Variants in GPHN observed in about 807,000 individuals in gnomAD.
The protein encoded by GPHN is gephyrin.
Under a neutral mutation model 95.5 loss-of-function variants are expected in GPHN, and 17 were observed. That is an observed-to-expected ratio of 0.18 (90% CI 0.12 to 0.27). GPHN has a LOEUF of 0.27. Ranked by LOEUF, GPHN falls within the 10% of genes least tolerant of loss-of-function variation. The pLI, the probability that GPHN is intolerant of heterozygous loss-of-function variation, is 1.00. For missense variants in GPHN, 660 were observed against 978.1 expected, an observed-to-expected ratio of 0.67 and a Z score of 4.34; for synonymous variants, 320 against 322.5, an observed-to-expected ratio of 0.99 and a Z score of 0.08.
chr14:66,651,178 A>G (rs137950832), intron 1 of GPHN, among the ~76,000 whole-genome samples: 1 of 152,284 alleles, frequency 6.6e-6, no homozygotes, highest in Non-Finnish European at 1.5e-5. Flanking sequence ...TTTTAGAAAA[A>G]CAATCACCAC....
intron 1 of GPHN, among the ~76,000 whole-genome samples, chr14:66,564,012 AC>A (rs1276301576): frequency 6.6e-6 from 1 of 152,148 alleles, no homozygotes; most frequent in Non-Finnish European, 1.5e-5. Flanking sequence ...TTCATTTGAA[AC>A]ATTCAGAGGG....
chr14:67,496,505 T>C, the GPHN span, among the ~76,000 whole-genome samples: 282 of 143,242 alleles, frequency 2.0e-3, no homozygotes, highest in African/African-American at 7.1e-3. Context: ...CCAGGTTCAA[T>C]AGGGTGTGCG....
chr14:67,589,739 A>G, the GPHN span: 142 of 1,016,218 alleles, frequency 1.4e-4, no homozygotes, highest in Non-Finnish European at 1.7e-4. Flanking sequence ...TCAGTTTCCC[A>G]TTGTTTTGCT....
At chr14:66,619,369 C>T (rs1595265733) in intron 1 of GPHN, among the ~76,000 whole-genome samples, 1 of 152,024 alleles carries the variant, frequency 6.6e-6, no homozygotes, top group Non-Finnish European at 1.5e-5. Context: ...AGATCCTTAC[C>T]CACATTTGTT....
intron 1 of GPHN, among the ~76,000 whole-genome samples, chr14:66,642,235 G>A (rs532366182): frequency 1.3e-5 from 2 of 152,262 alleles, no homozygotes; most frequent in South Asian, 2.1e-4. Context: ...TGGGTTTTCT[G>A]AGTGGGCCCA....
chr14:67,307,113 T>A, the GPHN span, among the ~76,000 whole-genome samples: 1 of 152,200 alleles, frequency 6.6e-6, no homozygotes, highest in African/African-American at 2.4e-5. Flanking sequence ...CACATAGCAA[T>A]CAGTGGCTGC....
the GPHN span, chr14:67,397,787 G>C: frequency 6.2e-7 from 1 of 1,613,128 alleles, no homozygotes; most frequent in Non-Finnish European, 8.5e-7. Context: ...TTCTGCCGAA[G>C]GATGAACCAT....
intron 10 of GPHN, among the ~76,000 whole-genome samples, chr14:67,037,619 C>T (rs2153634267): frequency 6.6e-6 from 1 of 151,636 alleles, no homozygotes; most frequent in East Asian, 1.9e-4. Context: ...TCAAATATCC[C>T]AATTTAAAAA....
chr14:67,457,751 G>T, the GPHN span, among the ~76,000 whole-genome samples: 1 of 152,226 alleles, frequency 6.6e-6, no homozygotes, highest in Non-Finnish European at 1.5e-5. Flanking sequence ...GGATGACATT[G>T]GTTCTAGAAA....
At chr14:66,617,471 C>T (rs1685312891) in intron 1 of GPHN, among the ~76,000 whole-genome samples, 2 of 152,216 alleles carry the variant, frequency 1.3e-5, no homozygotes, top group Non-Finnish European at 2.9e-5. Flanking sequence ...TCCCCTGCCC[C>T]TGTGGCTCTC....
the GPHN span, among the ~76,000 whole-genome samples, chr14:67,637,306 G>A: frequency 6.6e-6 from 1 of 151,526 alleles, no homozygotes; most frequent in Non-Finnish European, 1.5e-5. Context: ...GCTACTTGGG[G>A]AGGCTGAGGC....
the GPHN span, among the ~76,000 whole-genome samples, chr14:67,523,723 T>C: frequency 2.6e-5 from 4 of 152,274 alleles, no homozygotes; most frequent in Non-Finnish European, 5.9e-5. Context: ...CACACTTCTT[T>C]TTGTTAAAAG....
At position 67,116,023 on chromosome 14, in the gene GPHN, A is replaced by C. The variant is rs17103993; in HGVS notation, c.1626+2852A>C. Among the ~76,000 whole-genome samples, 455 of 152,148 alleles carry C rather than the reference A, an allele frequency of 3.0e-3. 3 individuals carry two copies. The highest frequency in any genetic ancestry group is 0.011 in the African/African-American group (437 of 41,522). On this transcript the variant is annotated intron_variant, in intron 16 of 22. Transcript: ENST00000478722. The stretch of plus-strand genomic sequence containing the variant: ...TGTGCATATTAAAATTTAGATATGC[A>C]ACCTGTGGTGATTCATGTCTGTAAT...
the GPHN span, among the ~76,000 whole-genome samples, chr14:67,553,517 C>T: frequency 1.3e-5 from 2 of 152,172 alleles, no homozygotes; most frequent in African/African-American, 4.8e-5. Flanking sequence ...TCCAGGGCAC[C>T]TCCCTGGCTC....
At chr14:66,975,548 C>G (rs925068101) in intron 9 of GPHN, among the ~76,000 whole-genome samples, 1 of 152,050 alleles carries the variant, frequency 6.6e-6, no homozygotes, top group African/African-American at 2.4e-5. Flanking sequence ...TACTGCGAGG[C>G]ACAGCATATT....
chr14:67,576,313 C>A, the GPHN span: 1 of 753,820 alleles, frequency 1.3e-6, no homozygotes, highest in Non-Finnish European at 2.2e-6. The surrounding 1 kb of genome is among the most constrained non-coding windows in gnomAD (Gnocchi z 4.0). Flanking sequence ...TGGGCTTGGT[C>A]CCTTCAAGGA....
intron 21 of GPHN, among the ~76,000 whole-genome samples, chr14:67,172,540 G>A (rs1272993507): frequency 6.6e-6 from 1 of 152,128 alleles, no homozygotes; most frequent in Non-Finnish European, 1.5e-5. Flanking sequence ...GTCCCTAGGT[G>A]CCCTGGCTGA....
At chr14:67,610,163 C>T in the GPHN span, among the ~76,000 whole-genome samples, 1 of 152,126 alleles carries the variant, frequency 6.6e-6, no homozygotes, top group African/African-American at 2.4e-5. Context: ...AATGCCTATT[C>T]AAGGATCCAC....
chr14:66,747,069 T>C (rs1383269415), intron 2 of GPHN, among the ~76,000 whole-genome samples: 1 of 152,184 alleles, frequency 6.6e-6, no homozygotes, highest in Non-Finnish European at 1.5e-5. Flanking sequence ...CACATAGTGC[T>C]CAGTTCTGGG....
Sources: gnomAD v4.1 joint callset for allele counts (sites outside exome capture counted in the v4.1 genomes callset) on GRCh38, gnomAD v4.1.1 for gene constraint, Gnocchi (gnomAD v3.1) non-coding constraint, MANE v1.5 for transcripts, NCBI Gene and HGNC (gene_info 2026-07-23, HGNC 2026-07-21) for gene names.